The following TANGO6 variants were observed in gnomAD, a reference collection of about 807,000 sequenced individuals.
TANGO6 encodes the protein transport and golgi organization 6 homolog.
In TANGO6, 90 loss-of-function variants were observed where a neutral mutation model predicts 114.2. The ratio of observed to expected loss-of-function variants is 0.79; its 90% CI spans 0.66 to 0.94. The LOEUF is 0.94. Ranked by LOEUF, TANGO6 falls within the 40% of genes least tolerant of loss-of-function variation. The pLI is 0.00. For synonymous variants in TANGO6, 477 were observed against 509.8 expected (o/e 0.94, Z 0.87); for missense variants, 1,274 against 1,315.3 (o/e 0.97, Z 0.49).
chr16:68,962,372 A>G (rs1963601499), intron 14 of TANGO6, among the ~76,000 whole-genome samples: 1 of 152,218 alleles, frequency 6.6e-6, no homozygotes, highest in Admixed American at 6.5e-5. Flanking sequence ...TCAGGAGGAA[A>G]ACTTTATTGT....
At chr16:68,876,257 G>A (rs1042435511) in intron 5 of TANGO6, among the ~76,000 whole-genome samples, 3 of 151,918 alleles carry the variant, frequency 2.0e-5, no homozygotes, top group African/African-American at 7.3e-5. Context: ...CACCTCCCGG[G>A]TTCAAGCGAT....
chr16:68,914,883 T>G (rs1962976755), intron 11 of TANGO6, among the ~76,000 whole-genome samples: 1 of 151,690 alleles, frequency 6.6e-6, no homozygotes, highest in Admixed American at 6.6e-5. Flanking sequence ...CCTGGGTTTT[T>G]TTTTTTTTAA....
Position 68,927,873 on chromosome 16 carries a change from A to G in TANGO6, c.2433A>G (p.Ser811=). ...CAGCCCCCCAGACAGGCCTGCAGTC[A>G]AATGCTCCAATCATTCCTCAAGGAG... The part of the protein sequence containing the change: ...HETAPQTGLQ[S]NAPIIPQGVN... The change falls in exon 13 of 18, where the codon TCA becomes TCG. Residue 811 remains serine (S), a synonymous_variant. Coordinates refer to ENST00000261778, the MANE Select transcript of TANGO6 (RefSeq NM_024562.2). 1.2e-6 allele frequency: 2 copies of G among 1,614,004 alleles called. No homozygotes were observed. Among genetic ancestry groups the G allele is most frequent in the Non-Finnish European group, 1.7e-6 (2 of 1,179,872 alleles).
At chr16:69,047,930 G>T (rs1481140732) in intron 17 of TANGO6, among the ~76,000 whole-genome samples, 2 of 152,176 alleles carry the variant, frequency 1.3e-5, no homozygotes, top group South Asian at 2.1e-4. Context: ...GATGACAAAA[G>T]AATAATCTAT....
intron 15 of TANGO6, among the ~76,000 whole-genome samples, chr16:69,013,046 T>A (rs1959226981): frequency 6.6e-6 from 1 of 152,010 alleles, no homozygotes; most frequent in African/African-American, 2.4e-5. Flanking sequence ...TCAAATAGGT[T>A]AGCCAATAGT....
intron 14 of TANGO6, among the ~76,000 whole-genome samples, chr16:68,958,582 GAAA>G (rs575207508): frequency 2.6e-5 from 4 of 151,102 alleles, no homozygotes; most frequent in Admixed American, 2.6e-4. Flanking sequence ...GAAAGAAAAA[GAAA>G]AAAAACCTCT....
chr16:68,889,020 C>T (rs1049449327), intron 7 of TANGO6, among the ~76,000 whole-genome samples: 7 of 152,100 alleles, frequency 4.6e-5, no homozygotes, highest in African/African-American at 9.7e-5. Context: ...AGTAGGTCTT[C>T]GCTATGTTGG....
intron 15 of TANGO6, among the ~76,000 whole-genome samples, chr16:69,004,006 CAAA>C (rs112221940): frequency 3.5e-5 from 5 of 143,974 alleles, no homozygotes; most frequent in Non-Finnish European, 7.6e-5. Context: ...TCTGAATTGG[CAAA>C]AAAAAAAAAT....
intron 14 of TANGO6, among the ~76,000 whole-genome samples, chr16:68,950,292 G>A (rs1044076433): frequency 4.6e-5 from 7 of 152,180 alleles, no homozygotes; most frequent in Non-Finnish European, 1.0e-4. Flanking sequence ...AAGGCCACAC[G>A]TGGTGGCTCA....
intron 4 of TANGO6, among the ~76,000 whole-genome samples, chr16:68,874,309 G>A (rs1041527678): frequency 3.9e-5 from 6 of 152,052 alleles, no homozygotes; most frequent in Non-Finnish European, 8.8e-5. Flanking sequence ...TATTGTTATC[G>A]CCTGAAAACT....
chr16:68,894,731 A>G (rs1422524526), intron 7 of TANGO6, among the ~76,000 whole-genome samples: 1 of 151,926 alleles, frequency 6.6e-6, no homozygotes, highest in Non-Finnish European at 1.5e-5. Context: ...TGTAGTAAAT[A>G]CATACGAGAT....
intron 1 of TANGO6, among the ~76,000 whole-genome samples, chr16:68,844,423 T>C (rs928820354): frequency 3.3e-5 from 5 of 152,026 alleles, no homozygotes; most frequent in Admixed American, 3.3e-4. Flanking sequence ...TCAGACAAAT[T>C]GTTCAGTATA....
chr16:68,898,096 C>A (rs956467049), intron 7 of TANGO6, among the ~76,000 whole-genome samples: 2 of 151,942 alleles, frequency 1.3e-5, no homozygotes, highest in Non-Finnish European at 2.9e-5. Flanking sequence ...GGATTACCTC[C>A]GAGAACACAG....
chr16:68,989,265 G>A (rs1448715275), intron 15 of TANGO6, among the ~76,000 whole-genome samples: 1 of 149,216 alleles, frequency 6.7e-6, no homozygotes, highest in Non-Finnish European at 1.5e-5. Flanking sequence ...TTTTGTTCTT[G>A]TTCTTGTTCT....
At chr16:68,978,574 T>C (rs1014069060) in intron 15 of TANGO6, among the ~76,000 whole-genome samples, 18 of 152,202 alleles carry the variant, frequency 1.2e-4, no homozygotes, top group Admixed American at 9.8e-4. Context: ...TAAAGCCCAA[T>C]TTGACAACAT....
intron 15 of TANGO6, among the ~76,000 whole-genome samples, chr16:69,015,457 C>CATTTT (rs1431699233): frequency 3.4e-5 from 3 of 88,400 alleles, no homozygotes; most frequent in Non-Finnish European, 8.6e-5. Context: ...AACAGATGCT[C>CATTTT]ATTTTATTTT....
chr16:69,016,985 T>G (rs978237361), intron 15 of TANGO6, among the ~76,000 whole-genome samples: 9 of 152,176 alleles, frequency 5.9e-5, no homozygotes, highest in African/African-American at 1.9e-4. Context: ...TAATGACACA[T>G]GGTTTCAACG....
chr16:68,872,041 C>A (rs1962278883), intron 4 of TANGO6, among the ~76,000 whole-genome samples: 1 of 151,934 alleles, frequency 6.6e-6, no homozygotes, highest in Admixed American at 6.5e-5. Context: ...ACCAGCCTGG[C>A]CAACATGGTG....
chr16:69,083,820 T>A lies in TANGO6; in HGVS notation c.*159T>A. Reference sequence around the variant, plus strand: ...AGGTCACTTGGGTCTTCAGGGTCCCTTCCGAGGGCATGTGTTCAGCACTCC... The same window carrying A: ...AGGTCACTTGGGTCTTCAGGGTCCCATCCGAGGGCATGTGTTCAGCACTCC... On this transcript the variant is annotated 3_prime_UTR_variant, in exon 18 of 18. Coordinates refer to ENST00000261778, the MANE Select transcript of TANGO6 (RefSeq NM_024562.2). 1 of 709,216 alleles carries A rather than the reference T, an allele frequency of 1.4e-6. No individual in the cohort carries two copies. The highest frequency in any genetic ancestry group is 2.3e-6 in the Non-Finnish European group (1 of 438,692). The allele number at this position is 709,216 out of a possible 1,614,324, so 43.9% of individuals were successfully genotyped here.
Sources: allele counts gnomAD v4.1 joint callset (sites outside exome capture counted in the v4.1 genomes callset), GRCh38; gene constraint gnomAD v4.1.1; transcripts MANE v1.5; gene names NCBI Gene and HGNC (gene_info 2026-07-23, HGNC 2026-07-21).